ST6GAL2: variants seen among roughly 807,000 people sequenced by gnomAD.
The protein encoded by ST6GAL2 is ST6 beta-galactoside alpha-2,6-sialyltransferase 2.
Under a neutral mutation model 37.5 loss-of-function variants are expected in ST6GAL2, and 24 were observed. The observed-to-expected ratio is 0.64, with a 90% CI of 0.46 to 0.90. The LOEUF (loss-of-function observed/expected upper bound fraction) is 0.90, where lower values mean the gene tolerates loss of function less well. ST6GAL2 is among the 40% of genes least tolerant of loss of function. ST6GAL2 has a pLI of 0.00. For synonymous variants in ST6GAL2, 306 were observed against 295.1 expected (o/e 1.04, Z -0.38); for missense variants, 715 against 712.7 (o/e 1.00, Z -0.04).
At chr2:106,806,970 T>C in intron 5 of ST6GAL2, 21 bp from the exon 6 acceptor site, 8 of 1,593,196 alleles carry the variant, frequency 5.0e-6, no homozygotes, top group Non-Finnish European at 6.9e-6. Context: ...AACCAAAAAT[T>C]AGAACCTAAT....
At chr2:106,832,980 T>C (rs1676484289) in intron 3 of ST6GAL2, among the ~76,000 whole-genome samples, 1 of 152,178 alleles carries the variant, frequency 6.6e-6, no homozygotes, top group Admixed American at 6.5e-5. Context: ...CAACCTCTTC[T>C]ACAATTGCCT....
At chr2:106,870,116 A>AG (rs1678203393) in intron 1 of ST6GAL2, among the ~76,000 whole-genome samples, 1 of 152,146 alleles carries the variant, frequency 6.6e-6, no homozygotes, top group African/African-American at 2.4e-5. Context: ...GGGGCGCTAC[A>AG]GTCTGCTGCT....
intron 1 of ST6GAL2, among the ~76,000 whole-genome samples, chr2:106,871,691 T>G (rs1219471926): frequency 1.3e-5 from 2 of 152,192 alleles, no homozygotes; most frequent in South Asian, 4.1e-4. Flanking sequence ...AGGGTCATGG[T>G]CATCAACATC....
At chr2:106,828,612 C>T (rs1017577947) in intron 5 of ST6GAL2, among the ~76,000 whole-genome samples, 1 of 152,082 alleles carries the variant, frequency 6.6e-6, no homozygotes, top group East Asian at 1.9e-4. Context: ...TTCAGGATAC[C>T]TGTGTGTCCT....
intron 5 of ST6GAL2, among the ~76,000 whole-genome samples, chr2:106,820,690 C>T (rs1028587021): frequency 1.3e-5 from 2 of 152,060 alleles, no homozygotes; most frequent in African/African-American, 4.8e-5. Flanking sequence ...TTCTTTTCCT[C>T]AGCACCTGGG....
At chr2:106,882,912 C>G (rs1337898720) in intron 1 of ST6GAL2, among the ~76,000 whole-genome samples, 4 of 152,218 alleles carry the variant, frequency 2.6e-5, no homozygotes, top group Non-Finnish European at 4.4e-5. Context: ...GGCAGCATGC[C>G]TCTGATGTCA....
intron 5 of ST6GAL2, among the ~76,000 whole-genome samples, chr2:106,825,645 G>A (rs1046078426): frequency 6.6e-6 from 1 of 152,230 alleles, no homozygotes; most frequent in African/African-American, 2.4e-5. Context: ...TATCTGCTAT[G>A]TACCAGGCTA....
rs942723702 is a variant in ST6GAL2, at chr2:106,803,688, G to A, written c.*2990C>T. 1.3e-5 allele frequency: 2 copies of A among 151,950 alleles called. No individual in the cohort carries two copies. The highest frequency in any genetic ancestry group is 4.2e-4 in the South Asian group (2 of 4,790). 9.4% of individuals were successfully genotyped at this position (151,950 alleles called of 1,614,324 possible). On this transcript the variant is annotated 3_prime_UTR_variant, in exon 6 of 6. Transcript: ENST00000409382. ...AAATTATCTTGAAATACAAAAGAAC[G>A]TCTGTTGGTCCTGAGAGTGAAAAAA... is the stretch of plus-strand genomic sequence containing the variant.
intron 1 of ST6GAL2, among the ~76,000 whole-genome samples, chr2:106,863,522 T>C (rs1677893580): frequency 6.6e-6 from 1 of 152,142 alleles, no homozygotes; most frequent in Non-Finnish European, 1.5e-5. Context: ...ACAATGTTTC[T>C]GAGGCTGGTT....
intron 1 of ST6GAL2, among the ~76,000 whole-genome samples, chr2:106,865,930 C>T (rs1350885966): frequency 6.6e-6 from 1 of 152,196 alleles, no homozygotes; most frequent in Non-Finnish European, 1.5e-5. Flanking sequence ...TTGCAGCCTG[C>T]TCAGTTCCAG....
chr2:106,872,812 C>T (rs543912943), intron 1 of ST6GAL2, among the ~76,000 whole-genome samples: 3 of 152,072 alleles, frequency 2.0e-5, no homozygotes, highest in Admixed American at 6.5e-5. Flanking sequence ...TTGTTTTAAA[C>T]TTCATGTGCT....
At chr2:106,832,383 T>C (rs182167083) in intron 4 of ST6GAL2, among the ~76,000 whole-genome samples, 182 bp downstream of exon 4, 1 of 152,380 alleles carries the variant, frequency 6.6e-6, no homozygotes, top group Admixed American at 6.5e-5. Flanking sequence ...ATTAGATGAC[T>C]AATGCTCACA....
intron 1 of ST6GAL2, among the ~76,000 whole-genome samples, chr2:106,883,194 A>T (rs1678823153): frequency 6.6e-6 from 1 of 152,122 alleles, no homozygotes; most frequent in Non-Finnish European, 1.5e-5. Flanking sequence ...TTCCCCTATC[A>T]ATTCAATGGG....
chr2:106,812,005 G>A (rs1398712586), intron 5 of ST6GAL2, among the ~76,000 whole-genome samples: 3 of 152,236 alleles, frequency 2.0e-5, no homozygotes, highest in African/African-American at 4.8e-5. Context: ...CCACTGCTAC[G>A]AACTGAATGT....
At chr2:106,824,026 C>A (rs938590969) in intron 5 of ST6GAL2, among the ~76,000 whole-genome samples, 4 of 152,198 alleles carry the variant, frequency 2.6e-5, no homozygotes, top group African/African-American at 9.7e-5. Context: ...AAGTCGACCA[C>A]ACCAAATTGC....
chr2:106,887,003 C>T (rs1304814757), upstream of ST6GAL2: 4 of 152,430 alleles, frequency 2.6e-5, no homozygotes, highest in Non-Finnish European at 5.9e-5. Flanking sequence ...GGCACCGCGC[C>T]TGGACACCTC....
At chr2:106,859,956 T>C (rs1412138918) in intron 1 of ST6GAL2, among the ~76,000 whole-genome samples, 6 of 152,036 alleles carry the variant, frequency 3.9e-5, no homozygotes, top group Non-Finnish European at 8.8e-5. Flanking sequence ...CTCTTACCCA[T>C]TGCTCCTTGC....
chr2:106,850,782 C>A (rs1460418100), intron 1 of ST6GAL2, among the ~76,000 whole-genome samples: 1 of 152,192 alleles, frequency 6.6e-6, no homozygotes, highest in Non-Finnish European at 1.5e-5. Context: ...CAAGAGAAAA[C>A]ACATCTTTTC....
In ST6GAL2 at chr2:106,803,966, C is replaced by T. The variant is rs1315863666; in HGVS notation, c.*2712G>A. The T allele has an allele frequency of 6.6e-6, 1 of 152,154 alleles. No homozygotes were observed. 9.4% of individuals were successfully genotyped at this position (152,154 alleles called of 1,614,324 possible). A position where few individuals can be genotyped will look rare whatever the true frequency, so the allele number is the denominator to read the frequency against. ...TTTGGCTAATACTAGAAGTAGTCAT[C>T]AAGTTAACTGTAACTGCCCAACATT... On this transcript the variant is annotated 3_prime_UTR_variant, in exon 6 of 6. Coordinates refer to ENST00000409382, the MANE Select transcript of ST6GAL2 (RefSeq NM_001142351.2).
Sources: gnomAD v4.1 joint callset for allele counts (sites outside exome capture counted in the v4.1 genomes callset) on GRCh38, gnomAD v4.1.1 for gene constraint, MANE v1.5 for transcripts, NCBI Gene and HGNC (gene_info 2026-07-23, HGNC 2026-07-21) for gene names.